The following CFH variants were observed in gnomAD, a reference collection of about 807,000 sequenced individuals.
CFH encodes H factor 1 (complement).
CFH carries 53 observed loss-of-function variants against 147.3 expected under a neutral mutation model. That is an observed-to-expected ratio of 0.36 (90% CI 0.29 to 0.45). The LOEUF is 0.45. CFH is among the 20% of genes least tolerant of loss of function. CFH has a pLI of 1.00. For synonymous variants in CFH, 536 were observed against 489.4 expected, an observed-to-expected ratio of 1.10 and a Z score of -1.26; for missense variants, 1,380 against 1,498.0, an observed-to-expected ratio of 0.92 and a Z score of 1.30.
chr1:196,723,364 G>T (rs1292445080), intron 11 of CFH, among the ~76,000 whole-genome samples: 1 of 152,124 alleles, frequency 6.6e-6, no homozygotes, highest in African/African-American at 2.4e-5. Flanking sequence ...ACTTTTGTAT[G>T]ATGGCTTTCT....
chr1:196,730,317 TA>T lies in CFH; in HGVS notation c.2413+1796del, dbSNP rs751017625. Among the ~76,000 whole-genome samples, 326 of 152,028 alleles carry T rather than the reference TA, an allele frequency of 2.1e-3. 3 individuals are homozygous for T. Among genetic ancestry groups the T allele is most frequent in the Non-Finnish European group, 2.9e-3 (198 of 67,850 alleles). Reference sequence around the variant, plus strand: ...CCTTTACTGAAAATATTTTTAAATTTATTTAAAATGGTTTGACCCTATGATT... The same window carrying T: ...CCTTTACTGAAAATATTTTTAAATTTTTTAAAATGGTTTGACCCTATGATT... On this transcript the variant is annotated intron_variant, in intron 15 of 21. Transcript: ENST00000367429.
At chr1:196,731,653 C>T (rs1669282852) in intron 15 of CFH, among the ~76,000 whole-genome samples, 1 of 151,944 alleles carries the variant, frequency 6.6e-6, no homozygotes, top group Non-Finnish European at 1.5e-5. Context: ...TCAAGAACTC[C>T]CTTTAACATT....
At chr1:196,674,168 C>A (rs1667379427) in intron 3 of CFH, among the ~76,000 whole-genome samples, 1 of 152,102 alleles carries the variant, frequency 6.6e-6, no homozygotes, top group South Asian at 2.1e-4. Context: ...TGAAGTATAA[C>A]TTCTCTGATA....
At chr1:196,671,684 C>G (rs1384135093) in intron 1 of CFH, among the ~76,000 whole-genome samples, 1 of 145,640 alleles carries the variant, frequency 6.9e-6, no homozygotes, top group Admixed American at 6.9e-5. Context: ...TATATATATA[C>G]TATATATGTG....
chr1:196,694,655 G>A (rs376622410), intron 9 of CFH, among the ~76,000 whole-genome samples: 9 of 152,008 alleles, frequency 5.9e-5, no homozygotes, highest in Non-Finnish European at 8.8e-5. Context: ...CCGCATCCTC[G>A]CCAGCACCTG....
intron 8 of CFH, 51 bp downstream of exon 8, chr1:196,689,665 G>T: frequency 1.3e-6 from 2 of 1,577,154 alleles, no homozygotes; most frequent in Non-Finnish European, 1.7e-6. Context: ...TTCAAAGATC[G>T]AAGAAAGGAG....
chr1:196,740,906 T>G, intron 18 of CFH, 114 bp downstream of exon 18: 1 of 1,059,730 alleles, frequency 9.4e-7, no homozygotes, highest in Middle Eastern at 2.8e-4. Context: ...TTTTCTTGAA[T>G]ATTCTGGACT....
intron 9 of CFH, among the ~76,000 whole-genome samples, chr1:196,712,467 A>G (rs1668744553): frequency 6.6e-6 from 1 of 151,710 alleles, no homozygotes; most frequent in African/African-American, 2.4e-5. Flanking sequence ...CACCAAGTTT[A>G]ATTTAATATG....
chr1:196,715,753 T>G lies in CFH; in HGVS notation c.1680T>G (p.Asp560Glu). The G allele has an allele frequency of 6.2e-7, 1 of 1,612,490 alleles. No individual in the cohort carries two copies. Reference protein sequence around the residue: ...SIVCGYNGWSDLPICYERECE... With the variant: ...SIVCGYNGWSELPICYERECE... ...TGTGTGGTTACAATGGTTGGTCTGA[T>G]TTACCCATATGTTATGGTAAGTACT... is the stretch of plus-strand genomic sequence containing the variant. Residue 560 changes from aspartate (D) to glutamate (E), a missense_variant, in exon 11 of 22, where the codon GAT becomes GAG. By Grantham distance (45) the Asp-to-Glu change is conservative (BLOSUM62 2). Transcript: ENST00000367429.
intron 1 of CFH, among the ~76,000 whole-genome samples, chr1:196,658,407 A>ATTTTT (rs549213437): frequency 0.023 from 2,084 of 92,200 alleles, 262 homozygotes; most frequent in African/African-American, 0.1. Context: ...TGCTCAGGTA[A>ATTTTT]TTTTTTTTTT....
intron 1 of CFH, among the ~76,000 whole-genome samples, chr1:196,671,418 C>T (rs188515378): frequency 6.6e-6 from 1 of 151,800 alleles, no homozygotes; most frequent in African/African-American, 2.4e-5. Flanking sequence ...CTCTCATCAA[C>T]AAGATTGTTT....
chr1:196,661,461 A>G (rs1666902037), intron 1 of CFH, among the ~76,000 whole-genome samples: 1 of 152,184 alleles, frequency 6.6e-6, no homozygotes, highest in Admixed American at 6.5e-5. Flanking sequence ...TCTAACAGCA[A>G]GATAGTACCA....
Position 196,728,443 on chromosome 1 carries a change from G to A in CFH, c.2334G>A (p.Arg778=), listed in dbSNP as rs1401272031. The change falls in exon 15 of 22, where the codon AGG becomes AGA. Residue 778 remains arginine, a synonymous_variant. Coordinates refer to ENST00000367429, the MANE Select transcript of CFH (RefSeq NM_000186.4). The part of the protein sequence containing the change: ...KKEFDHNSNI[R]YRCRGKEGWI... ...AATTCGATCATAATTCTAACATAAG[G>A]TACAGATGTAGAGGAAAAGAAGGAT... is the stretch of plus-strand genomic sequence containing the variant. 3.1e-6 allele frequency: 5 copies of A among 1,612,296 alleles called. No individual in the cohort carries two copies. Among genetic ancestry groups the A allele is most frequent in the Non-Finnish European group, 3.4e-6 (4 of 1,178,836 alleles).
rs142058690 is a variant in CFH, at chr1:196,729,519, C to T, written c.2413+997C>T. On this transcript the variant is annotated intron_variant, in intron 15 of 21. Transcript: ENST00000367429. ...AGTATAGTGTTGAGGGGTTTTGTAC[C>T]TATGTTCATCAGGGGATTTTGCCTG... Among the ~76,000 whole-genome samples, 15 of 151,856 alleles carry T rather than the reference C, an allele frequency of 9.9e-5. No individual in the cohort carries two copies. The East Asian group carries it at 2.7e-3, about 27-fold the overall frequency.
At chr1:196,740,959 T>C (rs1308620799) in intron 18 of CFH, 167 bp downstream of exon 18, 10 of 697,766 alleles carry the variant, frequency 1.4e-5, no homozygotes, top group Admixed American at 4.8e-5. Flanking sequence ...CATTTGACAT[T>C]ATAAGCCAAA....
chr1:196,674,912 C>A (rs1202887923), intron 3 of CFH, among the ~76,000 whole-genome samples: 1 of 151,992 alleles, frequency 6.6e-6, no homozygotes, highest in Non-Finnish European at 1.5e-5. Context: ...TTAGAAGAGA[C>A]CTTGAGATAT....
chr1:196,699,581 T>C (rs946637268), intron 9 of CFH, among the ~76,000 whole-genome samples: 2 of 152,236 alleles, frequency 1.3e-5, no homozygotes, highest in Non-Finnish European at 2.9e-5. Context: ...CTTTGTGTCA[T>C]CTAAAATTTC....
At chr1:196,743,365 G>A (rs1652877181) in intron 19 of CFH, 87 bp from the exon 20 acceptor site, 2 of 1,536,218 alleles carry the variant, frequency 1.3e-6, no homozygotes, top group African/African-American at 1.4e-5. Context: ...TTTTAAATTC[G>A]TCTTGAAATA....
chr1:196,731,019 A>G (rs1489771409), intron 15 of CFH, among the ~76,000 whole-genome samples: 1 of 151,690 alleles, frequency 6.6e-6, no homozygotes, highest in Non-Finnish European at 1.5e-5. Context: ...TTAATTTTTG[A>G]TTTATTTAGT....
Sources: gnomAD v4.1 joint callset for allele counts (sites outside exome capture counted in the v4.1 genomes callset) on GRCh38, gnomAD v4.1.1 for gene constraint, MANE v1.5 for transcripts, NCBI Gene and HGNC (gene_info 2026-07-23, HGNC 2026-07-21) for gene names.